AGBL4: variants seen among roughly 807,000 people sequenced by gnomAD.
The protein encoded by AGBL4 is cytosolic carboxypeptidase 6.
In AGBL4, 58 loss-of-function variants were observed where a neutral mutation model predicts 66.4. The ratio of observed to expected loss-of-function variants is 0.87; its 90% CI spans 0.71 to 1.09. AGBL4 has a LOEUF of 1.09. Ranked by LOEUF, AGBL4 falls within the 50% of genes least tolerant of loss-of-function variation. The pLI is 0.00. For missense variants in AGBL4, 579 were observed against 631.0 expected (o/e 0.92, Z 0.88); for synonymous variants, 234 against 222.9 (o/e 1.05, Z -0.44).
chr1:48,963,711 T>C (rs1235804098), intron 5 of AGBL4, among the ~76,000 whole-genome samples: 2 of 152,236 alleles, frequency 1.3e-5, no homozygotes, highest in East Asian at 1.9e-4. Flanking sequence ...CCTCTGTGGC[T>C]CATCAAGTGG....
chr1:50,021,450 T>C (rs1394819740), intron 1 of AGBL4, among the ~76,000 whole-genome samples: 4 of 152,178 alleles, frequency 2.6e-5, no homozygotes, highest in African/African-American at 4.8e-5. Context: ...TCTCCACTTA[T>C]CTAAAACCAA....
chr1:49,285,631 A>C (rs1429026005), intron 3 of AGBL4, among the ~76,000 whole-genome samples: 1 of 152,230 alleles, frequency 6.6e-6, no homozygotes, highest in Non-Finnish European at 1.5e-5. Flanking sequence ...TAGCAAGACT[A>C]ATAAAGCAAA....
chr1:48,863,410 T>A (rs1173117114), intron 6 of AGBL4, among the ~76,000 whole-genome samples: 1 of 152,132 alleles, frequency 6.6e-6, no homozygotes, highest in East Asian at 1.9e-4. Context: ...ATATATTAGT[T>A]ATTATAATAA....
chr1:48,840,914 T>C (rs1354319972), intron 6 of AGBL4, among the ~76,000 whole-genome samples: 1 of 151,572 alleles, frequency 6.6e-6, no homozygotes, highest in Non-Finnish European at 1.5e-5. Context: ...AATTGAATAA[T>C]ACAAGTCTAA....
intron 2 of AGBL4, among the ~76,000 whole-genome samples, chr1:49,702,116 C>A (rs937242973): frequency 3.9e-5 from 6 of 151,970 alleles, no homozygotes; most frequent in African/African-American, 1.4e-4. Context: ...AATTAATAAT[C>A]AAAAAACTTC....
intron 3 of AGBL4, chr1:49,527,729 C>A (rs1188231911): frequency 2.6e-5 from 4 of 152,192 alleles, no homozygotes; most frequent in African/African-American, 9.7e-5. Flanking sequence ...CATCCACTAG[C>A]TCGGATCCTT....
chr1:49,426,027 A>AT (rs1645650690), intron 3 of AGBL4, among the ~76,000 whole-genome samples: 1 of 152,228 alleles, frequency 6.6e-6, no homozygotes, highest in Non-Finnish European at 1.5e-5. Flanking sequence ...TTAAAGAAGC[A>AT]TTTGGTAAGC....
At chr1:48,759,503 CAA>C in intron 6 of AGBL4, 5 of 938,620 alleles carry the variant, frequency 5.3e-6, no homozygotes, top group East Asian at 2.9e-5. Context: ...GGGGCTTGCC[CAA>C]AGTCATAACC....
intron 5 of AGBL4, among the ~76,000 whole-genome samples, chr1:48,910,713 G>A (rs879293980): frequency 6.6e-6 from 1 of 152,084 alleles, no homozygotes; most frequent in Non-Finnish European, 1.5e-5. Flanking sequence ...TCAGTGTTGA[G>A]GCATCCCCGA....
At chr1:48,945,511 T>C (rs1656421625) in intron 5 of AGBL4, among the ~76,000 whole-genome samples, 2 of 152,190 alleles carry the variant, frequency 1.3e-5, no homozygotes, top group African/African-American at 4.8e-5. Flanking sequence ...ATGGAACTTC[T>C]TCGGGCCTTA....
intron 1 of AGBL4, among the ~76,000 whole-genome samples, chr1:49,928,834 A>G (rs1191355635): frequency 1.3e-5 from 2 of 152,168 alleles, no homozygotes; most frequent in Admixed American, 6.5e-5. Context: ...AGAAAAAAAA[A>G]AAATCATTCT....
intron 3 of AGBL4, among the ~76,000 whole-genome samples, chr1:49,582,796 C>T (rs1238619259): frequency 6.6e-6 from 1 of 152,160 alleles, no homozygotes; most frequent in Non-Finnish European, 1.5e-5. Context: ...TGATTCATCT[C>T]CCTTATTGCG....
chr1:48,850,128 G>T (rs1279167338), intron 6 of AGBL4, among the ~76,000 whole-genome samples: 1 of 152,162 alleles, frequency 6.6e-6, no homozygotes, highest in African/African-American at 2.4e-5. Context: ...AAAAACTCTA[G>T]GTAATTTTGT....
chr1:49,951,916 G>C (rs948060989), intron 1 of AGBL4, among the ~76,000 whole-genome samples: 1 of 151,724 alleles, frequency 6.6e-6, no homozygotes, highest in African/African-American at 2.4e-5. Context: ...AATGTATATG[G>C]AAATAAAAAG....
chr1:48,625,570 G>A (rs1259288581), intron 9 of AGBL4, among the ~76,000 whole-genome samples: 1 of 152,178 alleles, frequency 6.6e-6, no homozygotes, highest in African/African-American at 2.4e-5. Flanking sequence ...TAAAGGTTAT[G>A]TATATGCATA....
At chr1:49,623,258 C>T (rs961598072) in intron 3 of AGBL4, among the ~76,000 whole-genome samples, 1 of 152,084 alleles carries the variant, frequency 6.6e-6, no homozygotes, top group African/African-American at 2.4e-5. Flanking sequence ...CTGTCTCTGC[C>T]CTTTTTTTAT....
At chr1:49,136,047 C>T (rs1217498511) in intron 4 of AGBL4, among the ~76,000 whole-genome samples, 4 of 152,022 alleles carry the variant, frequency 2.6e-5, no homozygotes, top group Non-Finnish European at 5.9e-5. Flanking sequence ...GATAAATTAA[C>T]AGTAATTGTG....
chr1:48,826,172 A>G lies in AGBL4; in HGVS notation c.634+41019T>C, dbSNP rs573151979. 2.6e-5 allele frequency among the ~76,000 whole-genome samples: 4 copies of G among 152,242 alleles called. No homozygotes were observed. The East Asian group carries it at 7.7e-4, about 29-fold the overall frequency. ...TTTGATAACCCTTCCCTCTACAGTC[A>G]ATCTTTAGCTTGCTTCAGAAGATGA... On this transcript the variant is annotated intron_variant, in intron 6 of 13. Transcript: ENST00000371839.
At chr1:49,991,443 GC>G (rs1659935492) in intron 1 of AGBL4, among the ~76,000 whole-genome samples, 1 of 151,910 alleles carries the variant, frequency 6.6e-6, no homozygotes, top group Non-Finnish European at 1.5e-5. Flanking sequence ...ATCAGATTTT[GC>G]CAAAAATTTT....
Sources: gnomAD v4.1 joint callset for allele counts (sites outside exome capture counted in the v4.1 genomes callset) on GRCh38, gnomAD v4.1.1 for gene constraint, MANE v1.5 for transcripts, NCBI Gene and HGNC (gene_info 2026-07-23, HGNC 2026-07-21) for gene names.